DMD: variants seen among roughly 807,000 people sequenced by gnomAD.
DMD encodes the protein dystrophin.
In DMD, 63 loss-of-function variants were observed where a neutral mutation model predicts 330.1. That is an observed-to-expected ratio of 0.19 (90% CI 0.16 to 0.24). DMD has a LOEUF of 0.24. DMD is among the 10% of genes least tolerant of loss of function. The pLI is 1.00. For synonymous variants in DMD, 1,223 were observed against 959.8 expected (o/e 1.27, Z -5.07); for missense variants, 3,344 against 2,684.1 (o/e 1.25, Z -5.43).
At chrX:32,512,969 G>T (rs1330594550) in intron 18 of DMD, among the ~76,000 whole-genome samples, 1 of 111,840 alleles carries the variant, frequency 8.9e-6, no homozygotes, top group Non-Finnish European at 1.9e-5. Context: ...AATGCAGAGA[G>T]GCTAAAGCTG....
rs765625557 is a variant in DMD, at chrX:31,958,511, T to C, written c.6614+9828A>G. Among the ~76,000 whole-genome samples the C allele has an allele frequency of 3.6e-5, 4 of 111,564 alleles. No homozygotes were observed. In the Admixed American group the frequency reaches 3.8e-4, roughly 11 times the overall value. ...GTTTGTCAACCCTTCTGATTTGTGA[T>C]AGTTTACAGTGGTACTCTGTGGCCC... On this transcript the variant is annotated intron_variant, in intron 45 of 78. Coordinates refer to ENST00000357033, the MANE Select transcript of DMD (RefSeq NM_004006.3).
chrX:32,402,879 C>T (rs2098094452), intron 30 of DMD, among the ~76,000 whole-genome samples: 1 of 111,413 alleles, frequency 9.0e-6, no homozygotes, highest in Non-Finnish European at 1.9e-5. Context: ...TTTTATCTTT[C>T]TTTGGTGCTA....
At chrX:32,371,074 C>T (rs370789855) in intron 34 of DMD, among the ~76,000 whole-genome samples, 73 of 110,816 alleles carry the variant, frequency 6.6e-4, no homozygotes, top group African/African-American at 2.2e-3. Context: ...GATGTGCAAC[C>T]AATGTTGAAA....
In DMD at chrX:33,150,292, CT is replaced by C. The variant is rs67904733; in HGVS notation, c.31+60989del. On this transcript the variant is annotated intron_variant, in intron 1 of 78. Coordinates refer to ENST00000357033, the MANE Select transcript of DMD (RefSeq NM_004006.3). Reference sequence around the variant, plus strand: ...TACTTTCTTCCTTATAAAAGTCAGTCTTTTTTTTTTTTTTTTTTTTGAGAGG... The same window carrying C: ...TACTTTCTTCCTTATAAAAGTCAGTCTTTTTTTTTTTTTTTTTTTGAGAGG... 5.7e-3 allele frequency among the ~76,000 whole-genome samples: 499 copies of C among 87,578 alleles called. 8 individuals are homozygous for C. Among genetic ancestry groups the C allele is most frequent in the African/African-American group, 0.019 (450 of 24,277 alleles). 76.1% of individuals were successfully genotyped at this position (87,578 alleles called of 115,157 possible). A position where few individuals can be genotyped will look rare whatever the true frequency, so the allele number is the denominator to read the frequency against.
At chrX:32,060,216 A>G (rs963316726) in intron 44 of DMD, among the ~76,000 whole-genome samples, 1 of 111,742 alleles carries the variant, frequency 8.9e-6, no homozygotes, top group Non-Finnish European at 1.9e-5. Context: ...TCTTTGTTGC[A>G]TTATAAAGCT....
chrX:32,678,280 T>C (rs1237983248), intron 9 of DMD, among the ~76,000 whole-genome samples: 10 of 112,483 alleles, frequency 8.9e-5, no homozygotes, highest in Admixed American at 2.8e-4. Flanking sequence ...TTTTAACAAA[T>C]GTTTTATGTA....
chrX:31,293,199 G>GTGTGTGT (rs1569519847), intron 62 of DMD, among the ~76,000 whole-genome samples: 1 of 48,550 alleles, frequency 2.1e-5, no homozygotes, highest in African/African-American at 1.4e-4. Context: ...TGTGTAGTCT[G>GTGTGTGT]GTTTAGTGTG....
intron 1 of DMD, among the ~76,000 whole-genome samples, chrX:33,338,352 A>G (rs1402694580): frequency 9.1e-6 from 1 of 110,420 alleles, no homozygotes; most frequent in South Asian, 3.8e-4. Context: ...AAGTACTTAT[A>G]ATTATAATCC....
chrX:32,589,478 G>A (rs961900612), intron 13 of DMD, among the ~76,000 whole-genome samples: 4 of 109,720 alleles, frequency 3.6e-5, no homozygotes, highest in South Asian at 3.9e-4. Context: ...AAAGATGTAC[G>A]TATGTATATA....
intron 59 of DMD, among the ~76,000 whole-genome samples, chrX:31,476,686 G>C (rs776213720): frequency 1.1e-4 from 12 of 110,620 alleles, no homozygotes; most frequent in Non-Finnish European, 2.3e-4. Flanking sequence ...AAGAAGCTGG[G>C]TAATGCAGGA....
intron 51 of DMD, among the ~76,000 whole-genome samples, chrX:31,754,784 T>A (rs191897548): frequency 9.0e-6 from 1 of 111,136 alleles, no homozygotes; most frequent in African/African-American, 3.3e-5. Context: ...ATTACCCCCA[T>A]ACAAGCCAGG....
intron 50 of DMD, among the ~76,000 whole-genome samples, chrX:31,786,059 T>G (rs1477985825): frequency 8.9e-6 from 1 of 112,175 alleles, no homozygotes; most frequent in Non-Finnish European, 1.9e-5. Flanking sequence ...TAATTCACAC[T>G]CCCACCAACA....
At chrX:31,249,212 C>T (rs1224035917) in intron 63 of DMD, among the ~76,000 whole-genome samples, 2 of 111,684 alleles carry the variant, frequency 1.8e-5, no homozygotes, top group African/African-American at 6.5e-5. Context: ...ACCTCCACTA[C>T]CACAGACTAG....
chrX:32,628,922 C>T (rs894755993), intron 11 of DMD, among the ~76,000 whole-genome samples: 9 of 111,938 alleles, frequency 8.0e-5, no homozygotes, highest in Non-Finnish European at 9.4e-5. Context: ...AGACTTGTTT[C>T]GTGGCAGAAC....
chrX:32,878,866 G>A (rs528937267), intron 2 of DMD, among the ~76,000 whole-genome samples: 39 of 108,239 alleles, frequency 3.6e-4, no homozygotes, highest in Non-Finnish European at 5.9e-4. Context: ...AAATTAGCCG[G>A]GCACAGTGGC....
At chrX:31,973,613 T>A (rs774789180) in intron 44 of DMD, among the ~76,000 whole-genome samples, 1 of 111,354 alleles carries the variant, frequency 9.0e-6, no homozygotes, top group African/African-American at 3.3e-5. Flanking sequence ...CAATGCCCAG[T>A]AAAACTGAGT....
At chrX:32,209,838 A>G (rs894979949) in intron 44 of DMD, among the ~76,000 whole-genome samples, 1 of 111,707 alleles carries the variant, frequency 9.0e-6, no homozygotes, top group Non-Finnish European at 1.9e-5. Context: ...CTTCTTAAAC[A>G]TGCCATGCTG....
intron 9 of DMD, among the ~76,000 whole-genome samples, chrX:32,646,293 G>A (rs1465873035): frequency 1.8e-5 from 2 of 111,413 alleles, no homozygotes; most frequent in Non-Finnish European, 3.8e-5. Flanking sequence ...AAGTTTGCAG[G>A]AGGTTTTGCT....
intron 50 of DMD, among the ~76,000 whole-genome samples, chrX:31,816,834 A>C (rs1477368924): frequency 9.0e-6 from 1 of 111,264 alleles, no homozygotes; most frequent in Non-Finnish European, 1.9e-5. Context: ...AGAAAAAAGA[A>C]AGAAAGAAAA....
Sources: allele counts gnomAD v4.1 joint callset (sites outside exome capture counted in the v4.1 genomes callset), GRCh38; gene constraint gnomAD v4.1.1; transcripts MANE v1.5; gene names NCBI Gene and HGNC (gene_info 2026-07-23, HGNC 2026-07-21).